The following PRMT3 variants were observed in gnomAD, a reference collection of about 807,000 sequenced individuals.
The protein encoded by PRMT3 is protein arginine N-methyltransferase 3.
Under a neutral mutation model 71.9 loss-of-function variants are expected in PRMT3, and 62 were observed. The ratio of observed to expected loss-of-function variants is 0.86; its 90% CI spans 0.70 to 1.07. The LOEUF (loss-of-function observed/expected upper bound fraction) is 1.07. Ranked by LOEUF, PRMT3 falls within the 50% of genes least tolerant of loss-of-function variation. The pLI is 0.00. For synonymous variants in PRMT3, 213 were observed against 220.4 expected (o/e 0.97, Z 0.30); for missense variants, 663 against 643.0 (o/e 1.03, Z -0.34).
At chr11:20,500,967 A>G (rs1176187762) in intron 15 of PRMT3, among the ~76,000 whole-genome samples, 1 of 152,044 alleles carries the variant, frequency 6.6e-6, no homozygotes, top group Non-Finnish European at 1.5e-5. Flanking sequence ...ATCATTTCCA[A>G]CCCCATCCTT....
At chr11:20,459,146 T>A (rs2133396913) in intron 11 of PRMT3, among the ~76,000 whole-genome samples, 1 of 152,284 alleles carries the variant, frequency 6.6e-6, no homozygotes, top group African/African-American at 2.4e-5. Flanking sequence ...TATATATTAA[T>A]ACAAAAACTG....
chr11:20,389,330 TA>T (rs1848662909), intron 2 of PRMT3, among the ~76,000 whole-genome samples: 2 of 152,222 alleles, frequency 1.3e-5, no homozygotes, highest in Non-Finnish European at 2.9e-5. Flanking sequence ...GCTTTATTTC[TA>T]AAAGCAGTTT....
chr11:20,464,756 C>T (rs769720781), intron 13 of PRMT3, among the ~76,000 whole-genome samples: 8 of 151,986 alleles, frequency 5.3e-5, no homozygotes, highest in Admixed American at 3.3e-4. Flanking sequence ...ATTAGGAAAC[C>T]CTGTTTACAT....
chr11:20,412,539 A>AT (rs368618098), intron 9 of PRMT3, among the ~76,000 whole-genome samples: 9 of 151,584 alleles, frequency 5.9e-5, no homozygotes, highest in African/African-American at 2.2e-4. Context: ...ATTTTTCACG[A>AT]TTTTTTTTAT....
In PRMT3 at chr11:20,388,135, C is replaced by T. The variant is rs772486813; in HGVS notation, c.145C>T (p.Pro49Ser). The T allele has an allele frequency of 6.2e-7, 1 of 1,613,970 alleles. No individual in the cohort carries two copies. Residue 49 changes from proline to serine, a missense_variant, in exon 2 of 16, where the codon CCC (proline) becomes TCC (serine). Physicochemically the swap from Pro to Ser is moderately conservative, Grantham distance 74. Transcript: ENST00000331079. ...TCTCCCCCACGGCAAGCAGCAGACC[C>T]CCTGCCTGTTCTGTAACAGGTTCGT... ...ADLPHGKQQT[P>S]CLFCNRLFTS...
At chr11:20,402,778 GA>G in intron 7 of PRMT3, 140 bp from the exon 8 acceptor site, 1 of 575,388 alleles carries the variant, frequency 1.7e-6, no homozygotes, top group Non-Finnish European at 3.1e-6. Context: ...GTTTTCTTAG[GA>G]AAAAAATAAG....
intron 7 of PRMT3, among the ~76,000 whole-genome samples, chr11:20,398,456 T>A (rs1171208316): frequency 1.3e-5 from 2 of 152,122 alleles, no homozygotes; most frequent in Non-Finnish European, 2.9e-5. Context: ...TGCCATATTT[T>A]TTTTTGTTGT....
intron 9 of PRMT3, among the ~76,000 whole-genome samples, chr11:20,420,711 G>A (rs902525553): frequency 2.0e-5 from 3 of 152,182 alleles, no homozygotes; most frequent in Non-Finnish European, 2.9e-5. Flanking sequence ...TGCCAAAAAG[G>A]TTGGGGACTG....
Position 20,387,808 on chromosome 11 carries a change from C to A in PRMT3, c.28+34C>A. ...CCTGGCCCCTCAGCACCCGGCTCGTCCAGCCCCAGGCCGCGCCGCTGTGGG... is the reference window on the plus strand; with the variant it reads ...CCTGGCCCCTCAGCACCCGGCTCGTACAGCCCCAGGCCGCGCCGCTGTGGG... On this transcript the variant is annotated intron_variant, in intron 1 of 15. Coordinates refer to ENST00000331079, the MANE Select transcript of PRMT3 (RefSeq NM_005788.4). This position sits in a 1 kb window ranked among gnomAD's most constrained non-coding sequence, Gnocchi z 4.3. The A allele has an allele frequency of 6.5e-7, 1 of 1,541,078 alleles. No homozygotes were observed. Among genetic ancestry groups the A allele is most frequent in the Non-Finnish European group, 8.7e-7 (1 of 1,146,154 alleles).
Position 20,403,047 on chromosome 11 carries a change from C to A in PRMT3, c.771+63C>A, listed in dbSNP as rs115945499. On this transcript the variant is annotated intron_variant, in intron 8 of 15. Transcript: ENST00000331079. Reference sequence around the variant, plus strand: ...TGTTCTTGGGCAGTAGAAATCCTCTCTTGGCTCATCATTGTGATAGCAATT... The same window carrying A: ...TGTTCTTGGGCAGTAGAAATCCTCTATTGGCTCATCATTGTGATAGCAATT... 2.0e-3 allele frequency: 2,413 copies of A among 1,216,900 alleles called. 30 individuals carry two copies. In the African/African-American group the frequency reaches 0.032, roughly 16 times the overall value. 75.4% of individuals were successfully genotyped at this position (1,216,900 alleles called of 1,614,324 possible).
rs2133405688 is a variant in PRMT3 at position 20,464,557 on chromosome 11, T to A, written c.1347+11T>A. ...ACATCCATGTGCACGGTAAGCTATTTCATTCTGCTTTTACAAATTTCACTA... is the reference window on the plus strand; with the variant it reads ...ACATCCATGTGCACGGTAAGCTATTACATTCTGCTTTTACAAATTTCACTA... On this transcript the variant is annotated intron_variant, in intron 13 of 15. Coordinates refer to ENST00000331079, the MANE Select transcript of PRMT3 (RefSeq NM_005788.4). 1 of 1,606,378 alleles carries A rather than the reference T, an allele frequency of 6.2e-7. No homozygotes were observed. Among genetic ancestry groups the A allele is most frequent in the East Asian group, 2.2e-5 (1 of 44,720 alleles).
intron 5 of PRMT3, among the ~76,000 whole-genome samples, chr11:20,395,044 T>C (rs1323392336): frequency 1.3e-5 from 2 of 152,196 alleles, no homozygotes; most frequent in African/African-American, 4.8e-5. Flanking sequence ...TATATAACTT[T>C]AGGATAGTCA....
chr11:20,460,553 C>G (rs10833330), intron 11 of PRMT3, among the ~76,000 whole-genome samples: 66,908 of 151,974 alleles, frequency 0.44, 16,512 homozygotes, highest in Non-Finnish European at 0.57. Context: ...CCCTAGGTCT[C>G]ATGAACTCCC....
chr11:20,431,061 A>C (rs985695034), intron 10 of PRMT3, among the ~76,000 whole-genome samples: 6 of 152,170 alleles, frequency 3.9e-5, no homozygotes, highest in Non-Finnish European at 7.4e-5. Context: ...TGGTGTTGCT[A>C]TATTTCCTCT....
At chr11:20,443,559 T>C (rs183731008) in intron 10 of PRMT3, among the ~76,000 whole-genome samples, 16 of 152,328 alleles carry the variant, frequency 1.1e-4, no homozygotes, top group African/African-American at 3.8e-4. Flanking sequence ...TTTTAATAAT[T>C]GTAATAGATA....
chr11:20,477,782 A>G (rs1232416704), intron 13 of PRMT3, among the ~76,000 whole-genome samples: 1 of 149,154 alleles, frequency 6.7e-6, no homozygotes, highest in African/African-American at 2.5e-5. Flanking sequence ...GTGGCCACAG[A>G]AGGTTTTGGC....
In PRMT3 at chr11:20,436,184, G is replaced by A. The variant is rs561078675; in HGVS notation, c.993+9319G>A. Among the ~76,000 whole-genome samples the A allele has an allele frequency of 1.3e-5, 2 of 152,180 alleles. 1 individual carries two copies. The highest frequency in any genetic ancestry group is 4.1e-4 in the South Asian group (2 of 4,830). ...TTTGTATCATTCAGCTTTATTGAAT[G>A]TGTTTGTCAGCTCTAAGAGGTTTTT... On this transcript the variant is annotated intron_variant, in intron 10 of 15. Transcript: ENST00000331079.
chr11:20,430,379 C>G (rs918402863), intron 10 of PRMT3, among the ~76,000 whole-genome samples: 8 of 152,092 alleles, frequency 5.3e-5, no homozygotes, highest in African/African-American at 1.9e-4. Flanking sequence ...ACTAACTATT[C>G]CATGGCTTAA....
At chr11:20,503,015 C>T (rs546593502) in intron 15 of PRMT3, among the ~76,000 whole-genome samples, 1 of 152,116 alleles carries the variant, frequency 6.6e-6, no homozygotes, top group Admixed American at 6.5e-5. Context: ...ATATTTCATA[C>T]CTTTTATGAA....
Sources: gnomAD v4.1 joint callset for allele counts (sites outside exome capture counted in the v4.1 genomes callset) on GRCh38, gnomAD v4.1.1 for gene constraint, Gnocchi (gnomAD v3.1) non-coding constraint, MANE v1.5 for transcripts, NCBI Gene and HGNC (gene_info 2026-07-23, HGNC 2026-07-21) for gene names.